MAN2B2: variants seen among roughly 807,000 people sequenced by gnomAD.
MAN2B2 encodes the protein epididymis-specific alpha-mannosidase.
A neutral mutation model predicts 117.1 loss-of-function variants in MAN2B2; 106 were observed. That is an observed-to-expected ratio of 0.90 (90% CI 0.77 to 1.06). The LOEUF is 1.06. Among genes scored for constraint, MAN2B2 ranks in the 50% least tolerant of loss-of-function variants. The pLI is 0.00. For missense variants in MAN2B2, 1,326 were observed against 1,381.4 expected (o/e 0.96, Z 0.64); for synonymous variants, 544 against 595.1 (o/e 0.91, Z 1.25).
intron 18 of MAN2B2, chr4:6,620,906 T>A: frequency 2.4e-6 from 1 of 420,310 alleles, no homozygotes; most frequent in South Asian, 3.5e-5. Flanking sequence ...AGGACCAACC[T>A]ATGAATTGCC....
In MAN2B2 at chr4:6,578,559, G is replaced by A. The variant is rs1190650579; in HGVS notation, c.391+61G>A. ...GGACCTCCAGTGGGGCTGGGACATG[G>A]TATCAGAACCCCCAGGTTCTGAGCT... On this transcript the variant is annotated intron_variant, in intron 3 of 18. Transcript: ENST00000285599. 3.6e-6 allele frequency: 5 copies of A among 1,385,982 alleles called. No homozygotes were observed. In the South Asian group the frequency reaches 3.6e-5, roughly 10 times the overall value. The allele number at this position is 1,385,982 out of a possible 1,614,324, so 85.9% of individuals were successfully genotyped here.
At chr4:6,583,253 T>G (rs1726506727) in intron 3 of MAN2B2, among the ~76,000 whole-genome samples, 1 of 152,198 alleles carries the variant, frequency 6.6e-6, no homozygotes, top group Non-Finnish European at 1.5e-5. Flanking sequence ...AACTTAATCA[T>G]ATGGCCTCCC....
At chr4:6,591,799 G>A (rs1484736483) in intron 5 of MAN2B2, among the ~76,000 whole-genome samples, 3 of 152,166 alleles carry the variant, frequency 2.0e-5, no homozygotes, top group East Asian at 1.9e-4. Flanking sequence ...CCCGGGGGCA[G>A]AGAGGATAGG....
intron 3 of MAN2B2, among the ~76,000 whole-genome samples, chr4:6,582,085 G>A (rs545924625): frequency 1.3e-5 from 2 of 152,096 alleles, no homozygotes; most frequent in East Asian, 3.9e-4. Flanking sequence ...TATCCTGAGG[G>A]GAGAGAGCCC....
In MAN2B2 at chr4:6,579,244, C is replaced by CA. The variant is rs1726281054; in HGVS notation, c.391+746_391+747insA. ...CCACCACCACCATCACCACCACCACCCTTCACCACCATCACCACCACCACC... is the reference window on the plus strand; with the variant it reads ...CCACCACCACCATCACCACCACCACCACTTCACCACCATCACCACCACCACC... On this transcript the variant is annotated intron_variant, in intron 3 of 18. Coordinates refer to ENST00000285599, the MANE Select transcript of MAN2B2 (RefSeq NM_015274.3). 1.9e-4 allele frequency among the ~76,000 whole-genome samples: 4 copies of CA among 21,584 alleles called. 1 individual carries two copies. Among genetic ancestry groups the CA allele is most frequent in the Non-Finnish European group, 4.3e-4 (4 of 9,248 alleles). The allele number at this position is 21,584 out of a possible 152,430, so 14.2% of individuals were successfully genotyped here.
intron 17 of MAN2B2, chr4:6,617,799 A>C: frequency 1.8e-5 from 5 of 277,538 alleles, no homozygotes; most frequent in East Asian, 1.0e-4. Context: ...TCCCACCTCA[A>C]CCTCCCAAGT....
intron 3 of MAN2B2, among the ~76,000 whole-genome samples, chr4:6,579,744 C>A (rs1312031488): frequency 6.6e-6 from 1 of 152,198 alleles, no homozygotes; most frequent in South Asian, 2.1e-4. Context: ...TCATCATCAC[C>A]ACCACCATGA....
intron 17 of MAN2B2, chr4:6,617,815 G>T: frequency 3.6e-6 from 1 of 274,960 alleles, no homozygotes; most frequent in Non-Finnish European, 6.9e-6. Context: ...CAAGTAACTG[G>T]GATCACAGGG....
intron 15 of MAN2B2, among the ~76,000 whole-genome samples, chr4:6,613,693 GA>G (rs1560663435): frequency 7.7e-6 from 1 of 130,398 alleles, no homozygotes; most frequent in African/African-American, 2.9e-5. Context: ...AGGAGGGAAG[GA>G]AGGAAGGAAG....
In MAN2B2 at chr4:6,597,120, C is replaced by A. The variant is rs762680232; in HGVS notation, c.1065C>A (p.Phe355Leu). The A allele has an allele frequency of 6.2e-7, 1 of 1,613,266 alleles. No homozygotes were observed. Among genetic ancestry groups the A allele is most frequent in the South Asian group, 1.1e-5 (1 of 91,024 alleles). ...HDFLPYSTEP[F>L]QAWTGFYTSR... is the part of the protein sequence containing the mutation. ...TCTTCCCTTGTCTCCCAGAACCATT[C>A]CAGGCCTGGACGGGCTTCTACACGT... Residue 355 changes from phenylalanine (F) to leucine (L), a missense_variant, in exon 8 of 19, where the codon TTC becomes TTA. Coordinates refer to ENST00000285599, the MANE Select transcript of MAN2B2 (RefSeq NM_015274.3).
At chr4:6,617,305 G>A in intron 16 of MAN2B2, 75 bp from the exon 17 acceptor site, 1 of 1,110,846 alleles carries the variant, frequency 9.0e-7, no homozygotes, top group Admixed American at 1.9e-5. Flanking sequence ...AGTGTGTAAA[G>A]CAGCGGGTAT....
intron 15 of MAN2B2, among the ~76,000 whole-genome samples, chr4:6,611,930 A>G (rs1227255348): frequency 6.6e-6 from 1 of 152,254 alleles, no homozygotes; most frequent in African/African-American, 2.4e-5. Flanking sequence ...ATCAACAACC[A>G]TGTAGTTCTG....
intron 3 of MAN2B2, 70 bp downstream of exon 3, chr4:6,578,568 CCCCCAGGTT>C (rs1255858162): frequency 1.3e-5 from 17 of 1,314,710 alleles, no homozygotes; most frequent in Non-Finnish European, 1.1e-6. Flanking sequence ...GGTATCAGAA[CCCCCAGGTT>C]CTGAGCTCTG....
rs201470339 is a variant in MAN2B2, at chr4:6,611,130, G to C, written c.2415G>C (p.Leu805=). Residue 805 remains leucine (L), a synonymous_variant, in exon 15 of 19, where the codon CTG becomes CTC. Transcript: ENST00000285599. ...RRLWNNFDWD[L]GYNLTLNDTS... ...TGTGGAACAACTTCGACTGGGACCTGGGCTACAACCTCACGCTGAACGACA... is the reference window on the plus strand; with the variant it reads ...TGTGGAACAACTTCGACTGGGACCTCGGCTACAACCTCACGCTGAACGACA... 8.1e-6 allele frequency: 13 copies of C among 1,613,850 alleles called. No individual in the cohort carries two copies. The East Asian group carries it at 2.0e-4, about 25-fold the overall frequency.
At chr4:6,578,131 T>C (rs1726139287) in intron 2 of MAN2B2, among the ~76,000 whole-genome samples, 1 of 152,152 alleles carries the variant, frequency 6.6e-6, no homozygotes, top group Admixed American at 6.5e-5. Context: ...TTTTCTAAAG[T>C]TTAGAATTAG....
chr4:6,590,710 G>A (rs1266716325), intron 5 of MAN2B2, among the ~76,000 whole-genome samples: 1 of 152,236 alleles, frequency 6.6e-6, no homozygotes. Context: ...TGCTGTGGAT[G>A]CAGGGGGAAG....
chr4:6,587,905 C>T (rs1017069234), intron 4 of MAN2B2, among the ~76,000 whole-genome samples: 1 of 151,908 alleles, frequency 6.6e-6, no homozygotes, highest in Admixed American at 6.6e-5. Flanking sequence ...CAGGTGAGTG[C>T]CACCACGCCC....
At chr4:6,585,128 C>G (rs1406295894) in intron 3 of MAN2B2, among the ~76,000 whole-genome samples, 1 of 152,102 alleles carries the variant, frequency 6.6e-6, no homozygotes, top group Non-Finnish European at 1.5e-5. Context: ...TCCACGCTCC[C>G]CCTGATCCCC....
At chr4:6,619,335 C>A (rs141448174) in intron 17 of MAN2B2, 1 of 152,268 alleles carries the variant, frequency 6.6e-6, no homozygotes, top group East Asian at 1.9e-4. Context: ...CAAGATGGCA[C>A]AGGCCTCCCT....
Sources: gnomAD v4.1 joint callset for allele counts (sites outside exome capture counted in the v4.1 genomes callset) on GRCh38, gnomAD v4.1.1 for gene constraint, MANE v1.5 for transcripts, NCBI Gene and HGNC (gene_info 2026-07-23, HGNC 2026-07-21) for gene names.